The following ZNF813 variants were observed in gnomAD, a reference collection of about 807,000 sequenced individuals.
The protein encoded by ZNF813 is zinc finger protein 813.
In ZNF813, 3 loss-of-function variants were observed where a neutral mutation model predicts 7.2. That is an observed-to-expected ratio of 0.42 (90% confidence interval 0.19 to 1.08). The LOEUF (loss-of-function observed/expected upper bound fraction) is 1.08. Ranked by LOEUF, ZNF813 falls within the 50% of genes least tolerant of loss-of-function variation. The pLI is 0.30. For missense variants in ZNF813, 714 were observed against 753.3 expected (o/e 0.95, Z 0.61); for synonymous variants, 227 against 256.3 (o/e 0.89, Z 1.09).
At chr19:53,467,942 G>A (rs2086335516) in intron 1 of ZNF813, among the ~76,000 whole-genome samples, 153 bp downstream of exon 1, 1 of 152,204 alleles carries the variant, frequency 6.6e-6, no homozygotes, top group African/African-American at 2.4e-5. Context: ...TCCGGGGGTC[G>A]CTTCCTTTTG....
At position 53,491,218 on chromosome 19, in the gene ZNF813, G is replaced by A; in HGVS notation, c.986G>A (p.Cys329Tyr). 2.5e-6 allele frequency: 4 copies of A among 1,613,914 alleles called. No homozygotes were observed. Among genetic ancestry groups the A allele is most frequent in the East Asian group, 2.2e-5 (1 of 44,890 alleles). Residue 329 changes from cysteine to tyrosine, a missense_variant, in exon 4 of 4, where the codon TGT becomes TAT. By Grantham distance (194) the Cys-to-Tyr change is radical. Around this residue, in one of 3 missense-constraint regions of ZNF813, gnomAD observed 563 missense variants for 554.2 expected, o/e 1.02. Coordinates refer to ENST00000396403, the MANE Select transcript of ZNF813 (RefSeq NM_001004301.4). The stretch of plus-strand genomic sequence containing the variant: ...CATGCTGGAGAAAAACCATACAAGT[G>A]TAATGAATGTGGCAAGACCTTTAGT... ...RIHAGEKPYK[C>Y]NECGKTFSQT...
intron 1 of ZNF813, among the ~76,000 whole-genome samples, chr19:53,481,262 CTT>C (rs1333895462): frequency 6.6e-6 from 1 of 150,936 alleles, no homozygotes; most frequent in Non-Finnish European, 1.5e-5. Flanking sequence ...TTCCAAGACT[CTT>C]TTTATATTAT....
intron 1 of ZNF813, among the ~76,000 whole-genome samples, chr19:53,483,433 G>C (rs1185578828): frequency 6.6e-6 from 1 of 151,968 alleles, no homozygotes; most frequent in Non-Finnish European, 1.5e-5. Flanking sequence ...AGAGATCTAC[G>C]CACCTCGGCC....
intron 1 of ZNF813, among the ~76,000 whole-genome samples, chr19:53,473,069 C>CA (rs2086367177): frequency 6.6e-6 from 1 of 152,130 alleles, no homozygotes. Flanking sequence ...AGGAGGGTAG[C>CA]AACAGCAAAA....
At chr19:53,468,069 C>T (rs1418661196) in intron 1 of ZNF813, among the ~76,000 whole-genome samples, 3 of 152,254 alleles carry the variant, frequency 2.0e-5, no homozygotes, top group African/African-American at 7.2e-5. Flanking sequence ...CCTCCCACCC[C>T]GCGCTTTTTG....
rs140206311 is a variant in ZNF813, at chr19:53,491,437, G to A, written c.1205G>A (p.Arg402His). The A allele has an allele frequency of 4.6e-5, 75 of 1,613,940 alleles. No homozygotes were observed. The East Asian group carries it at 6.2e-4, about 13-fold the overall frequency. The change falls in exon 4 of 4, where the codon CGT becomes CAT. Residue 402 changes from arginine to histidine, a missense_variant. Physicochemically the swap from Arg to His is conservative, Grantham distance 29. Coordinates refer to ENST00000396403, the MANE Select transcript of ZNF813 (RefSeq NM_001004301.4). ...FSQELTLKCH[R>H]RLHTGEKPYK... ...CAGGAGTTAACCCTTAAATGCCATC[G>A]TAGACTTCATACCGGAGAGAAGCCT...
At position 53,478,990 on chromosome 19, in the gene ZNF813, A is replaced by G. The variant is rs190832615; in HGVS notation, c.-73-4760A>G. On this transcript the variant is annotated intron_variant, in intron 1 of 3. Transcript: ENST00000396403. Reference sequence around the variant, plus strand: ...TATGCAGTGACCCAGGCTGGAGTGTAGTGGCATGATGTCAGTTCACTGCAA... The same window carrying G: ...TATGCAGTGACCCAGGCTGGAGTGTGGTGGCATGATGTCAGTTCACTGCAA... Among the ~76,000 whole-genome samples the G allele has an allele frequency of 5.5e-3, 820 of 148,306 alleles. 2 individuals are homozygous for G. Among genetic ancestry groups the G allele is most frequent in the Non-Finnish European group, 7.5e-3 (504 of 67,518 alleles).
chr19:53,483,651 G>A (rs1432660209), intron 1 of ZNF813, 99 bp from the exon 2 acceptor site: 41 of 1,221,148 alleles, frequency 3.4e-5, no homozygotes, highest in South Asian at 7.4e-5. Context: ...ATAGGGGACC[G>A]TATTTCCTCA....
At chr19:53,483,343 C>T (rs572609033) in intron 1 of ZNF813, among the ~76,000 whole-genome samples, 16 of 152,158 alleles carry the variant, frequency 1.1e-4, no homozygotes, top group Non-Finnish European at 2.2e-4. Context: ...TGTGCACAAC[C>T]ATGCCTGGCT....
At chr19:53,471,636 C>T (rs1205209941) in intron 1 of ZNF813, among the ~76,000 whole-genome samples, 4 of 151,610 alleles carry the variant, frequency 2.6e-5, no homozygotes, top group East Asian at 1.9e-4. Flanking sequence ...GGTGAAACCC[C>T]GTCTGTACTA....
chr19:53,476,702 T>C (rs2086383513), intron 1 of ZNF813, among the ~76,000 whole-genome samples: 1 of 151,898 alleles, frequency 6.6e-6, no homozygotes, highest in Non-Finnish European at 1.5e-5. Context: ...CGCCGACGCT[T>C]AAGTGCAGTG....
At chr19:53,473,450 T>C (rs1228612554) in intron 1 of ZNF813, among the ~76,000 whole-genome samples, 2 of 152,224 alleles carry the variant, frequency 1.3e-5, no homozygotes, top group African/African-American at 4.8e-5. Flanking sequence ...CTTGGTCTCA[T>C]CTCAGGATCA....
In ZNF813 at chr19:53,492,496, C is replaced by G; in HGVS notation, c.*410C>G. 4.5e-6 allele frequency: 2 copies of G among 446,672 alleles called. No homozygotes were observed. The highest frequency in any genetic ancestry group is 3.8e-5 in the South Asian group (2 of 52,590). The allele number at this position is 446,672 out of a possible 1,614,324, so 27.7% of individuals were successfully genotyped here. A position where few individuals can be genotyped will look rare whatever the true frequency, so the allele number is the denominator to read the frequency against. On this transcript the variant is annotated 3_prime_UTR_variant, in exon 4 of 4. Coordinates refer to ENST00000396403, the MANE Select transcript of ZNF813 (RefSeq NM_001004301.4). ...TTCGTGACAAGGCTTTCGGGCATGACTCACACCTGGCACAACATCCTAGAA... is the reference window on the plus strand; with the variant it reads ...TTCGTGACAAGGCTTTCGGGCATGAGTCACACCTGGCACAACATCCTAGAA...
chr19:53,486,590 C>G, intron 2 of ZNF813, 42 bp from the exon 3 acceptor site: 1 of 1,613,846 alleles, frequency 6.2e-7, no homozygotes, highest in Non-Finnish European at 8.5e-7. Flanking sequence ...AAGATAAGAA[C>G]TCCTCCCATA....
At position 53,475,749 on chromosome 19, in the gene ZNF813, A is replaced by G. The variant is rs1429656239; in HGVS notation, c.-74+7960A>G. Among the ~76,000 whole-genome samples, 6 of 152,214 alleles carry G rather than the reference A, an allele frequency of 3.9e-5. 1 individual carries two copies. Among genetic ancestry groups the G allele is most frequent in the African/African-American group, 1.4e-4 (6 of 41,466 alleles). On this transcript the variant is annotated intron_variant, in intron 1 of 3. Transcript: ENST00000396403. ...AACACCACGGAGTCTGGTTGTTTGG[A>G]TAAATGTGCCACTGGGCGATGCCAC... is the stretch of plus-strand genomic sequence containing the variant.
chr19:53,484,116 T>C (rs896819747), intron 2 of ZNF813, among the ~76,000 whole-genome samples: 1 of 152,022 alleles, frequency 6.6e-6, no homozygotes, highest in African/African-American at 2.4e-5. Flanking sequence ...TCAGTGCTGT[T>C]GGGCAGCAGG....
At chr19:53,481,380 C>G (rs2086408033) in intron 1 of ZNF813, among the ~76,000 whole-genome samples, 1 of 111,486 alleles carries the variant, frequency 9.0e-6, no homozygotes, top group Non-Finnish European at 1.7e-5. Flanking sequence ...GAGTTTCACT[C>G]TTGTTGCTCA....
Position 53,491,902 on chromosome 19 carries a change from GC to G in ZNF813, c.1671del (p.Lys558ArgfsTer185), listed in dbSNP as rs746204142. On this transcript the variant is annotated frameshift_variant, in exon 4 of 4. Coordinates refer to ENST00000396403, the MANE Select transcript of ZNF813 (RefSeq NM_001004301.4). LOFTEE classifies it low-confidence loss of function (END_TRUNC). ...GDKPYKCNECGKVFNQKAHLA... is the reference protein window; with the variant it reads ...GDKPYKCNECXKVFNQKAHLA... ...AAACCTTACAAGTGTAATGAATGTG[GC>G]AAGGTTTTTAATCAAAAAGCACACC... 6.2e-7 allele frequency: 1 copy of G among 1,610,798 alleles called. No homozygotes were observed. The highest frequency in any genetic ancestry group is 8.5e-7 in the Non-Finnish European group (1 of 1,178,130).
intron 1 of ZNF813, among the ~76,000 whole-genome samples, chr19:53,472,162 G>A (rs1015311547): frequency 8.5e-5 from 13 of 152,220 alleles, no homozygotes; most frequent in Admixed American, 7.8e-4. Context: ...CAGTCCACAC[G>A]GGTAGGTCTG....
Sources: allele counts gnomAD v4.1 joint callset (sites outside exome capture counted in the v4.1 genomes callset), GRCh38; gene constraint gnomAD v4.1.1; regional missense constraint gnomAD v4.1.1; transcripts MANE v1.5; gene names NCBI Gene and HGNC (gene_info 2026-07-23, HGNC 2026-07-21).